PDE1A: variants seen among roughly 807,000 people sequenced by gnomAD.
PDE1A encodes the protein phosphodiesterase 1A.
Under a neutral mutation model 61.7 loss-of-function variants are expected in PDE1A, and 35 were observed. The ratio of observed to expected loss-of-function variants is 0.57; its 90% CI spans 0.43 to 0.75. The LOEUF is 0.75. PDE1A is among the 30% of genes least tolerant of loss of function. The probability of loss-of-function intolerance (pLI) is 0.00; values close to 1 mark genes in which losing one functional copy is unlikely to be tolerated. For synonymous variants in PDE1A, 232 were observed against 213.2 expected, an observed-to-expected ratio of 1.09 and a Z score of -0.77; for missense variants, 597 against 630.6, an observed-to-expected ratio of 0.95 and a Z score of 0.57.
chr2:182,237,714 G>T (rs537348912), intron 3 of PDE1A, among the ~76,000 whole-genome samples: 1 of 152,296 alleles, frequency 6.6e-6, no homozygotes, highest in South Asian at 2.1e-4. Context: ...AGCATAGAGT[G>T]ATCCGGGAAG....
the PDE1A span, among the ~76,000 whole-genome samples, chr2:182,530,149 G>C: frequency 6.6e-6 from 1 of 152,096 alleles, no homozygotes; most frequent in African/African-American, 2.4e-5. Context: ...TGAGTAATGA[G>C]GACCATCTAA....
At chr2:182,712,732 A>AT in the PDE1A span, among the ~76,000 whole-genome samples, 2 of 151,824 alleles carry the variant, frequency 1.3e-5, no homozygotes, top group South Asian at 2.1e-4. Flanking sequence ...AATTTTTTGT[A>AT]TTTTTTGTAG....
chr2:182,482,910 C>T (rs1338626852), intron 2 of PDE1A, among the ~76,000 whole-genome samples: 1 of 151,916 alleles, frequency 6.6e-6, no homozygotes, highest in Non-Finnish European at 1.5e-5. Context: ...TATCAGACTG[C>T]ACGCAAAGAC....
the PDE1A span, among the ~76,000 whole-genome samples, chr2:182,609,145 T>C: frequency 1.3e-5 from 2 of 152,204 alleles, no homozygotes; most frequent in Non-Finnish European, 2.9e-5. Flanking sequence ...AGTTCAGGGT[T>C]TGTAAATACA....
intron 8 of PDE1A, among the ~76,000 whole-genome samples, chr2:182,202,630 A>G (rs936679120): frequency 1.3e-5 from 2 of 152,180 alleles, no homozygotes; most frequent in Non-Finnish European, 2.9e-5. Flanking sequence ...AGCTTCCATC[A>G]TAAGAACCCC....
intron 2 of PDE1A, among the ~76,000 whole-genome samples, chr2:182,498,678 C>G (rs1011819635): frequency 2.6e-5 from 4 of 152,134 alleles, no homozygotes; most frequent in African/African-American, 9.7e-5. Flanking sequence ...GGCGCGGTAG[C>G]TGACACCTGT....
At chr2:182,188,119 G>T (rs1047225019) in intron 11 of PDE1A, among the ~76,000 whole-genome samples, 1 of 152,134 alleles carries the variant, frequency 6.6e-6, no homozygotes, top group Non-Finnish European at 1.5e-5. Flanking sequence ...GCAGCAATTT[G>T]CATTACAGCA....
rs113681523 is a variant in PDE1A at position 182,470,512 on chromosome 2, T to G, written c.101+51764A>C. On this transcript the variant is annotated intron_variant, in intron 2 of 14. Coordinates refer to the PDE1A transcript ENST00000410103. ...ACAGTTCTTCCTCTCTAGGAACTTA[T>G]AGTTTAGTAAGAGAGAGAAATAGGA... Among the ~76,000 whole-genome samples the G allele has an allele frequency of 2.9e-3, 444 of 151,940 alleles. 1 individual carries two copies. The highest frequency in any genetic ancestry group is 5.6e-3 in the Non-Finnish European group (380 of 67,858).
chr2:182,462,391 T>C (rs1056412633), intron 2 of PDE1A, among the ~76,000 whole-genome samples: 1 of 151,684 alleles, frequency 6.6e-6, no homozygotes, highest in African/African-American at 2.4e-5. Flanking sequence ...CATATGTATA[T>C]CTTAAAAGCA....
At chr2:182,426,738 A>C in exon 1 of PDE1A, 1 of 1,565,086 alleles carries the variant, frequency 6.4e-7, no homozygotes, top group Non-Finnish European at 8.6e-7. Context: ...CAGAAAGAAA[A>C]AGTAGTTTCC....
intron 1 of PDE1A, among the ~76,000 whole-genome samples, chr2:182,297,427 G>A (rs1694959519): frequency 6.6e-6 from 1 of 152,104 alleles, no homozygotes; most frequent in African/African-American, 2.4e-5. Flanking sequence ...ACAAAGAGGA[G>A]GTCTGATCAT....
chr2:182,571,623 G>A, the PDE1A span, among the ~76,000 whole-genome samples: 3 of 151,942 alleles, frequency 2.0e-5, no homozygotes, highest in East Asian at 5.8e-4. Flanking sequence ...TTATGTGAGA[G>A]CAAAATAGGA....
the PDE1A span, among the ~76,000 whole-genome samples, chr2:182,666,676 CAG>C: frequency 6.6e-6 from 1 of 151,678 alleles, no homozygotes; most frequent in East Asian, 1.9e-4. Context: ...TAGCAAGAAA[CAG>C]AGATTTTGCC....
chr2:182,323,555 G>T (rs1407000688), intron 1 of PDE1A, among the ~76,000 whole-genome samples: 1 of 152,144 alleles, frequency 6.6e-6, no homozygotes, highest in South Asian at 2.1e-4. Context: ...CCAGTTAAGA[G>T]CCAAAAGTTT....
chr2:182,646,460 C>T, the PDE1A span, among the ~76,000 whole-genome samples: 10 of 149,630 alleles, frequency 6.7e-5, no homozygotes, highest in South Asian at 2.1e-4. Context: ...GAGGCCACGG[C>T]GGGCAGATCA....
intron 1 of PDE1A, among the ~76,000 whole-genome samples, chr2:182,359,210 GCTTCCTTAGTTTGAAA>G (rs1437066991): frequency 2.0e-5 from 3 of 152,090 alleles, no homozygotes; most frequent in African/African-American, 7.2e-5. Context: ...AAACAGTTCT[GCTTCCTTAGTTTGAAA>G]CTGATAATAA....
chr2:182,293,644 C>T (rs1694685900), intron 1 of PDE1A, among the ~76,000 whole-genome samples: 1 of 152,006 alleles, frequency 6.6e-6, no homozygotes, highest in South Asian at 2.1e-4. Context: ...CAGAAAGTAC[C>T]ATAAACACAG....
chr2:182,493,531 G>A (rs1380293668), intron 2 of PDE1A, among the ~76,000 whole-genome samples: 1 of 152,078 alleles, frequency 6.6e-6, no homozygotes, highest in Non-Finnish European at 1.5e-5. Context: ...AACATGCAGT[G>A]TTAGAACTAG....
chr2:182,497,368 A>C (rs944409369), intron 2 of PDE1A, among the ~76,000 whole-genome samples: 1 of 152,224 alleles, frequency 6.6e-6, no homozygotes, highest in African/African-American at 2.4e-5. Flanking sequence ...AATTGAAGGC[A>C]CCAGGTATCA....
Sources: allele counts gnomAD v4.1 joint callset (sites outside exome capture counted in the v4.1 genomes callset), GRCh38; gene constraint gnomAD v4.1.1; transcripts MANE v1.5; gene names NCBI Gene and HGNC (gene_info 2026-07-23, HGNC 2026-07-21).